The following EXOC6B variants were observed in gnomAD, a reference collection of about 807,000 sequenced individuals.
The protein encoded by EXOC6B is SEC15 homolog B.
EXOC6B carries 54 observed loss-of-function variants against 113.5 expected under a neutral mutation model. The ratio of observed to expected loss-of-function variants is 0.48; its 90% CI spans 0.38 to 0.60. EXOC6B has a LOEUF of 0.60. Among genes scored for constraint, EXOC6B ranks in the 20% least tolerant of loss-of-function variants. EXOC6B has a pLI of 0.00. For missense variants in EXOC6B, 797 were observed against 977.5 expected (o/e 0.82, Z 2.46); for synonymous variants, 357 against 339.0 (o/e 1.05, Z -0.58).
At position 72,625,494 on chromosome 2, in the gene EXOC6B, T is replaced by A. The variant is rs189294220; in HGVS notation, c.670-49826A>T. On this transcript the variant is annotated intron_variant, in intron 6 of 21. Transcript: ENST00000272427. ...AGACTCTGGAGAGGGATTGGCCCCC[T>A]TTCCTGTCCATAAAGAGGACAAGGA... 2.4e-4 allele frequency among the ~76,000 whole-genome samples: 37 copies of A among 152,290 alleles called. No homozygotes were observed. In the East Asian group the frequency reaches 6.6e-3, roughly 27 times the overall value.
At chr2:72,260,588 T>C (rs758828553) in intron 20 of EXOC6B, among the ~76,000 whole-genome samples, 2 of 152,070 alleles carry the variant, frequency 1.3e-5, no homozygotes, top group Non-Finnish European at 2.9e-5. Flanking sequence ...GAAAAGAATA[T>C]CATATAAAAC....
rs375782063 is a variant in EXOC6B, at chr2:72,177,944, G to A, written c.*1391C>T. 6.6e-6 allele frequency: 1 copy of A among 152,120 alleles called. No individual in the cohort carries two copies. Among genetic ancestry groups the A allele is most frequent in the Admixed American group, 6.5e-5 (1 of 15,268 alleles). 9.4% of individuals were successfully genotyped at this position (152,120 alleles called of 1,614,324 possible). A position where few individuals can be genotyped will look rare whatever the true frequency, so the allele number is the denominator to read the frequency against. On this transcript the variant is annotated 3_prime_UTR_variant, in exon 22 of 22. Transcript: ENST00000272427. ...AGTGTCTTAAAGTACAGTTTCCCCC[G>A]ACTGACCTCATAGCAAAGCCCTTGC...
At position 72,532,537 on chromosome 2, in the gene EXOC6B, C is replaced by T. The variant is rs531416107; in HGVS notation, c.916-17411G>A. 5.1e-4 allele frequency among the ~76,000 whole-genome samples: 78 copies of T among 152,208 alleles called. 1 individual carries two copies. Among genetic ancestry groups the T allele is most frequent in the Admixed American group, 1.9e-3 (29 of 15,278 alleles). On this transcript the variant is annotated intron_variant, in intron 8 of 21. Coordinates refer to ENST00000272427, the MANE Select transcript of EXOC6B (RefSeq NM_015189.3). ...GGACAAAAGTATTTAAGGCCAGGCA[C>T]GGTGGCTCACACCTGTAATCCCAGC... is the stretch of plus-strand genomic sequence containing the variant.
In EXOC6B at chr2:72,194,183, A is replaced by C. The variant is rs10198126; in HGVS notation, c.2197-9996T>G. Among the ~76,000 whole-genome samples, 252 of 152,296 alleles carry C rather than the reference A, an allele frequency of 1.7e-3. 1 individual carries two copies. Among genetic ancestry groups the C allele is most frequent in the African/African-American group, 6.0e-3 (251 of 41,560 alleles). ...GAGAGACCCTTCCCATTATAATGAG[A>C]TGGCATAAAATTCATTATCTTAACA... On this transcript the variant is annotated intron_variant, in intron 20 of 21. Transcript: ENST00000272427.
intron 6 of EXOC6B, among the ~76,000 whole-genome samples, chr2:72,644,767 T>C (rs1294287790): frequency 1.3e-5 from 2 of 152,132 alleles, no homozygotes; most frequent in African/African-American, 4.8e-5. Flanking sequence ...CTGGCCTGCC[T>C]GATAAGAGCT....
chr2:72,657,567 C>CT (rs70963136), intron 6 of EXOC6B, among the ~76,000 whole-genome samples: 20,857 of 50,100 alleles, frequency 0.42, 5,940 homozygotes, highest in East Asian at 0.64. Context: ...CTTTCCTTTT[C>CT]TTTTTTTTTT....
chr2:72,286,804 C>G (rs1558522969), intron 20 of EXOC6B, among the ~76,000 whole-genome samples: 1 of 151,918 alleles, frequency 6.6e-6, no homozygotes, highest in Non-Finnish European at 1.5e-5. Context: ...ATTAAAATTG[C>G]TGTAAAAATA....
At chr2:72,238,007 T>C (rs1054964409) in intron 20 of EXOC6B, among the ~76,000 whole-genome samples, 4 of 152,134 alleles carry the variant, frequency 2.6e-5, no homozygotes, top group East Asian at 1.9e-4. Flanking sequence ...ACCAGCACCA[T>C]AGTCACTTTA....
At chr2:72,506,679 A>AT (rs1293447740) in intron 11 of EXOC6B, among the ~76,000 whole-genome samples, 13 of 152,076 alleles carry the variant, frequency 8.5e-5, no homozygotes, top group Admixed American at 8.5e-4. Flanking sequence ...AAAATCATAA[A>AT]TATTACTTTG....
intron 20 of EXOC6B, among the ~76,000 whole-genome samples, chr2:72,193,274 C>T (rs1252304945): frequency 6.6e-6 from 1 of 152,102 alleles, no homozygotes; most frequent in East Asian, 1.9e-4. Flanking sequence ...ATTAAGAGAA[C>T]AATTGTAAAG....
intron 7 of EXOC6B, among the ~76,000 whole-genome samples, chr2:72,560,050 G>A (rs181408649): frequency 2.6e-5 from 4 of 152,094 alleles, no homozygotes; most frequent in Admixed American, 2.6e-4. Flanking sequence ...TGAAAAGAGG[G>A]GAGATTATGT....
At chr2:72,419,079 CA>C (rs1377504745) in intron 18 of EXOC6B, among the ~76,000 whole-genome samples, 2 of 151,634 alleles carry the variant, frequency 1.3e-5, no homozygotes, top group African/African-American at 4.8e-5. Flanking sequence ...AAGAAATAAA[CA>C]AAAACTCTGT....
intron 20 of EXOC6B, among the ~76,000 whole-genome samples, chr2:72,245,738 A>C (rs1251134011): frequency 6.6e-6 from 1 of 152,232 alleles, no homozygotes; most frequent in Non-Finnish European, 1.5e-5. Flanking sequence ...TATATTTGCC[A>C]AAACCCACAG....
chr2:72,590,280 C>A (rs1573449219), intron 6 of EXOC6B, among the ~76,000 whole-genome samples: 1 of 151,760 alleles, frequency 6.6e-6, no homozygotes, highest in Non-Finnish European at 1.5e-5. Flanking sequence ...GGTAACAAAG[C>A]AAATCTAGAA....
At chr2:72,324,833 G>A (rs1688033247) in intron 20 of EXOC6B, among the ~76,000 whole-genome samples, 2 of 152,038 alleles carry the variant, frequency 1.3e-5, no homozygotes, top group Admixed American at 1.3e-4. Flanking sequence ...GGAGACACTA[G>A]AACTTAATAG....
At chr2:72,237,833 CT>C in intron 20 of EXOC6B, among the ~76,000 whole-genome samples, 1 of 151,836 alleles carries the variant, frequency 6.6e-6, no homozygotes, top group East Asian at 1.9e-4. Context: ...AGAGCCAAGA[CT>C]GGAAAGAAAG....
chr2:72,687,137 CAAA>C (rs60068783), intron 6 of EXOC6B, among the ~76,000 whole-genome samples: 1 of 125,482 alleles, frequency 8.0e-6, no homozygotes, highest in Non-Finnish European at 1.8e-5. Context: ...GACTGTGTCT[CAAA>C]AAAAAAAAAA....
At chr2:72,345,147 A>G (rs1177834508) in intron 19 of EXOC6B, among the ~76,000 whole-genome samples, 1 of 152,174 alleles carries the variant, frequency 6.6e-6, no homozygotes, top group Non-Finnish European at 1.5e-5. Flanking sequence ...AGTTAACCAC[A>G]CTTTAATGTC....
At chr2:72,623,177 C>A (rs1671850732) in intron 6 of EXOC6B, among the ~76,000 whole-genome samples, 1 of 151,958 alleles carries the variant, frequency 6.6e-6, no homozygotes, top group African/African-American at 2.4e-5. Flanking sequence ...TAAAAAAATC[C>A]ATTAAAAAAA....
Sources: allele counts gnomAD v4.1 joint callset (sites outside exome capture counted in the v4.1 genomes callset), GRCh38; gene constraint gnomAD v4.1.1; transcripts MANE v1.5; gene names NCBI Gene and HGNC (gene_info 2026-07-23, HGNC 2026-07-21).